The following PRKG1 variants were observed in gnomAD, a reference collection of about 807,000 sequenced individuals.
PRKG1 encodes protein kinase cGMP-dependent 1.
Under a neutral mutation model 88.1 loss-of-function variants are expected in PRKG1, and 35 were observed. The observed-to-expected ratio is 0.40, with a 90% CI of 0.30 to 0.53. The LOEUF (loss-of-function observed/expected upper bound fraction) is 0.53, where lower values mean the gene tolerates loss of function less well. Ranked by LOEUF, PRKG1 falls within the 20% of genes least tolerant of loss-of-function variation. PRKG1 has a pLI of 0.59. For missense variants in PRKG1, 540 were observed against 839.8 expected, an observed-to-expected ratio of 0.64 and a Z score of 4.41; for synonymous variants, 303 against 292.5, an observed-to-expected ratio of 1.04 and a Z score of -0.37.
intron 2 of PRKG1, among the ~76,000 whole-genome samples, chr10:51,392,913 CA>C (rs1223480362): frequency 2.2e-4 from 13 of 59,840 alleles, no homozygotes; most frequent in South Asian, 8.4e-4. Flanking sequence ...GGGGGCTGAC[CA>C]CCCCCACCTC....
At chr10:51,115,372 C>CATATATATATATCTATATATATATAT (rs1845091678) in intron 1 of PRKG1, among the ~76,000 whole-genome samples, 1 of 31,832 alleles carries the variant, frequency 3.1e-5, no homozygotes, top group African/African-American at 6.9e-5. Flanking sequence ...TTCCTTTAAA[C>CATATATATATATCTATATATATATAT]ATATATATAT....
At chr10:52,171,852 G>A (rs1359477989) in intron 9 of PRKG1, among the ~76,000 whole-genome samples, 1 of 138,420 alleles carries the variant, frequency 7.2e-6, no homozygotes, top group Non-Finnish European at 1.5e-5. Flanking sequence ...TCGGACTGCG[G>A]ACTGCAGTGG....
intron 5 of PRKG1, among the ~76,000 whole-genome samples, chr10:51,981,337 G>A (rs1844004392): frequency 6.6e-6 from 1 of 152,126 alleles, no homozygotes; most frequent in African/African-American, 2.4e-5. Context: ...TATAATCCCA[G>A]CACTTTGGGA....
At chr10:51,076,759 A>G (rs893571307) in intron 1 of PRKG1, among the ~76,000 whole-genome samples, 2 of 152,232 alleles carry the variant, frequency 1.3e-5, no homozygotes, top group Non-Finnish European at 2.9e-5. Flanking sequence ...AAAAAGGTCC[A>G]GAGTGGAAAA....
At chr10:51,247,758 G>A (rs1012692276) in intron 2 of PRKG1, among the ~76,000 whole-genome samples, 2 of 151,724 alleles carry the variant, frequency 1.3e-5, no homozygotes, top group Non-Finnish European at 2.9e-5. Context: ...TTCATTTCTG[G>A]CCTCTAAATT....
chr10:51,830,759 T>C (rs1839986646), intron 4 of PRKG1, among the ~76,000 whole-genome samples: 1 of 151,566 alleles, frequency 6.6e-6, no homozygotes. Flanking sequence ...ACAGGGTTTC[T>C]TCATGTTGGC....
intron 2 of PRKG1, among the ~76,000 whole-genome samples, chr10:51,230,003 T>C: frequency 1.4e-5 from 2 of 146,708 alleles, no homozygotes; most frequent in Middle Eastern, 3.5e-3. Flanking sequence ...AAATTTAAAA[T>C]ATTCCTAATT....
chr10:51,551,220 A>T (rs1400975671), intron 3 of PRKG1, among the ~76,000 whole-genome samples: 3 of 151,882 alleles, frequency 2.0e-5, no homozygotes, highest in Non-Finnish European at 4.4e-5. Context: ...GACTATTTAT[A>T]TGGACCTCAA....
intron 7 of PRKG1, among the ~76,000 whole-genome samples, chr10:52,126,450 T>C (rs548242112): frequency 1.3e-5 from 2 of 152,150 alleles, no homozygotes; most frequent in Non-Finnish European, 2.9e-5. Flanking sequence ...TCCTGGTAGA[T>C]GGTGTTACAG....
At chr10:51,902,687 C>T (rs1407905443) in intron 4 of PRKG1, among the ~76,000 whole-genome samples, 1 of 152,054 alleles carries the variant, frequency 6.6e-6, no homozygotes, top group Non-Finnish European at 1.5e-5. Context: ...GTGCTAATAG[C>T]ATACTAATTT....
chr10:51,907,366 T>C lies in PRKG1; in HGVS notation c.699-141T>C, dbSNP rs1263056336. The stretch of plus-strand genomic sequence containing the variant: ...CTTTGTTCTTTTTTTTCAGGTTGTG[T>C]GGCTAATGCATTTTTTTTTTTTTGG... On this transcript the variant is annotated intron_variant, in intron 4 of 17. Coordinates refer to ENST00000373980, the MANE Select transcript of PRKG1 (RefSeq NM_006258.4). 7 of 639,546 alleles carry C rather than the reference T, an allele frequency of 1.1e-5. No homozygotes were observed. The South Asian group carries it at 1.2e-4, about 11-fold the overall frequency. The allele number at this position is 639,546 out of a possible 1,614,324, so 39.6% of individuals were successfully genotyped here.
At chr10:51,306,984 T>C (rs1841055792) in intron 2 of PRKG1, among the ~76,000 whole-genome samples, 1 of 152,156 alleles carries the variant, frequency 6.6e-6, no homozygotes, top group South Asian at 2.1e-4. Context: ...CCTGCTGCCT[T>C]ACACATTTCA....
At chr10:51,643,935 C>T (rs760850032) in intron 3 of PRKG1, among the ~76,000 whole-genome samples, 1 of 152,104 alleles carries the variant, frequency 6.6e-6, no homozygotes, top group Non-Finnish European at 1.5e-5. Context: ...CATCCACGTC[C>T]CCAGCCTTTC....
At chr10:51,523,030 G>A (rs1841776949) in intron 3 of PRKG1, among the ~76,000 whole-genome samples, 1 of 152,128 alleles carries the variant, frequency 6.6e-6, no homozygotes, top group Admixed American at 6.5e-5. Flanking sequence ...TTTCTGAACA[G>A]TTTTGTCCGG....
chr10:52,161,271 T>A (rs906952447), intron 8 of PRKG1, among the ~76,000 whole-genome samples: 6 of 152,096 alleles, frequency 3.9e-5, no homozygotes, highest in Non-Finnish European at 8.8e-5. Flanking sequence ...ATTTAAGCAG[T>A]TAAATCATTC....
intron 9 of PRKG1, among the ~76,000 whole-genome samples, chr10:52,247,365 A>T (rs1202318674): frequency 6.6e-6 from 1 of 152,210 alleles, no homozygotes; most frequent in African/African-American, 2.4e-5. Context: ...TTAAAATTGC[A>T]TGAAACTGGG....
chr10:51,694,759 G>A (rs546477154), intron 3 of PRKG1, among the ~76,000 whole-genome samples: 53 of 152,258 alleles, frequency 3.5e-4, no homozygotes, highest in Non-Finnish European at 4.6e-4. Flanking sequence ...GGTTATAAAC[G>A]ATGATTGTGT....
At chr10:51,655,328 G>A (rs1031925682) in intron 3 of PRKG1, among the ~76,000 whole-genome samples, 1 of 152,046 alleles carries the variant, frequency 6.6e-6, no homozygotes, top group Non-Finnish European at 1.5e-5. Context: ...ACCTAACCAG[G>A]AAAATATAGG....
At chr10:51,869,417 T>G (rs576775361) in intron 4 of PRKG1, among the ~76,000 whole-genome samples, 17 of 152,296 alleles carry the variant, frequency 1.1e-4, no homozygotes, top group Non-Finnish European at 2.1e-4. Flanking sequence ...TGTTTTACTT[T>G]GTGACTGCTT....
Sources: gnomAD v4.1 joint callset for allele counts (sites outside exome capture counted in the v4.1 genomes callset) on GRCh38, gnomAD v4.1.1 for gene constraint, MANE v1.5 for transcripts, NCBI Gene and HGNC (gene_info 2026-07-23, HGNC 2026-07-21) for gene names.